The following DLGAP1 variants were observed in gnomAD, a reference collection of about 807,000 sequenced individuals.
DLGAP1 encodes the protein DLG associated protein 1.
DLGAP1 carries 11 observed loss-of-function variants against 90.8 expected under a neutral mutation model. That is an observed-to-expected ratio of 0.12 (90% CI 0.08 to 0.20). DLGAP1 has a LOEUF of 0.20. Ranked by LOEUF, DLGAP1 falls within the 10% of genes least tolerant of loss-of-function variation. DLGAP1 has a pLI of 1.00. For synonymous variants in DLGAP1, 558 were observed against 540.7 expected (o/e 1.03, Z -0.44); for missense variants, 1,050 against 1,333.8 (o/e 0.79, Z 3.31).
chr18:4,336,863 T>C (rs766739898), intron 1 of DLGAP1, among the ~76,000 whole-genome samples: 1 of 150,942 alleles, frequency 6.6e-6, no homozygotes, highest in African/African-American at 2.4e-5. Context: ...CATTACGGTA[T>C]CTAGAGGCAG....
chr18:3,643,455 A>G (rs1315261674), intron 7 of DLGAP1, among the ~76,000 whole-genome samples: 1 of 152,078 alleles, frequency 6.6e-6, no homozygotes, highest in Non-Finnish European at 1.5e-5. Context: ...CGAGGTCAGG[A>G]GATCGAGACC....
chr18:4,298,631 G>C (rs1325890157), intron 1 of DLGAP1, among the ~76,000 whole-genome samples: 3 of 152,114 alleles, frequency 2.0e-5, no homozygotes, highest in Non-Finnish European at 2.9e-5. Context: ...TGTGGGGTGG[G>C]GGGAAAGGGG....
intron 1 of DLGAP1, among the ~76,000 whole-genome samples, chr18:4,374,980 CT>C (rs2081986970): frequency 6.6e-6 from 1 of 151,084 alleles, no homozygotes; most frequent in African/African-American, 2.4e-5. Context: ...TAAAATATCA[CT>C]TCTCTTCTAG....
At chr18:3,987,305 T>C (rs975416154) in intron 3 of DLGAP1, among the ~76,000 whole-genome samples, 5 of 152,158 alleles carry the variant, frequency 3.3e-5, no homozygotes, top group Non-Finnish European at 7.3e-5. Context: ...GAGGTCCCCA[T>C]TTCCTCGATT....
chr18:4,144,592 T>C (rs2076553529), intron 2 of DLGAP1, among the ~76,000 whole-genome samples: 1 of 152,206 alleles, frequency 6.6e-6, no homozygotes, highest in Non-Finnish European at 1.5e-5. Context: ...TTTTTAGTTC[T>C]TATAAAGGTG....
At chr18:3,741,162 T>TCAC (rs1243995369) in intron 6 of DLGAP1, among the ~76,000 whole-genome samples, 1 of 33,128 alleles carries the variant, frequency 3.0e-5, no homozygotes, top group African/African-American at 1.4e-4. Context: ...ACCACCACCA[T>TCAC]CACCACCACA....
At chr18:3,654,253 G>C (rs950591170) in intron 7 of DLGAP1, among the ~76,000 whole-genome samples, 1 of 152,156 alleles carries the variant, frequency 6.6e-6, no homozygotes, top group African/African-American at 2.4e-5. Flanking sequence ...AAGGTGGCCA[G>C]AGGCTGCCGG....
Position 3,653,937 on chromosome 18 carries a change from C to T in DLGAP1, c.1592-71689G>A, listed in dbSNP as rs908643624. ...GCCGACCATCTGAGGTTTGATTTCT[C>T]ATCAAGAGATAGTGTCCGACACACG... On this transcript the variant is annotated intron_variant, in intron 7 of 12. Transcript: ENST00000315677. The surrounding 1 kb of genome is among the most constrained non-coding windows in gnomAD (Gnocchi z 4.6). The T allele has an allele frequency of 1.3e-5, 2 of 149,934 alleles. No individual in the cohort carries two copies. Among genetic ancestry groups the T allele is most frequent in the African/African-American group, 2.5e-5 (1 of 39,438 alleles). The allele number at this position is 149,934 out of a possible 1,614,324, so 9.3% of individuals were successfully genotyped here.
intron 3 of DLGAP1, among the ~76,000 whole-genome samples, chr18:3,911,884 C>G (rs1266969211): frequency 6.6e-6 from 1 of 152,194 alleles, no homozygotes; most frequent in African/African-American, 2.4e-5. Flanking sequence ...AATTAGCATA[C>G]AGCAGTGAAA....
intron 7 of DLGAP1, among the ~76,000 whole-genome samples, chr18:3,675,190 C>G (rs1645640248): frequency 6.6e-6 from 1 of 152,180 alleles, no homozygotes; most frequent in Non-Finnish European, 1.5e-5. Context: ...CCTGCCTCAG[C>G]CTCCCAAGTA....
chr18:4,315,986 G>T (rs1484916815), intron 1 of DLGAP1, among the ~76,000 whole-genome samples: 3 of 152,284 alleles, frequency 2.0e-5, no homozygotes, highest in African/African-American at 4.8e-5. Context: ...TGTACCACAG[G>T]TTCTTGCTAT....
intron 4 of DLGAP1, among the ~76,000 whole-genome samples, chr18:3,852,906 A>G (rs2069423677): frequency 6.6e-6 from 1 of 151,952 alleles, no homozygotes. Context: ...AAGTTTATTA[A>G]GAATTTTTAT....
intron 1 of DLGAP1, among the ~76,000 whole-genome samples, chr18:4,308,104 T>C (rs887750568): frequency 2.0e-5 from 3 of 152,200 alleles, no homozygotes; most frequent in Non-Finnish European, 4.4e-5. Flanking sequence ...AAGGCACTAC[T>C]GTTGTTCACT....
chr18:4,114,056 C>CTTT (rs58180172), intron 2 of DLGAP1, among the ~76,000 whole-genome samples: 11 of 106,902 alleles, frequency 1.0e-4, no homozygotes, highest in African/African-American at 2.0e-4. Flanking sequence ...ATGCCTCTGG[C>CTTT]TTTTTTTTTT....
chr18:4,342,962 A>G lies in DLGAP1; in HGVS notation c.-267+112044T>C, dbSNP rs1195881739. ...TTATAAAGCTCACGGATTATTTCAG[A>G]TTCAGGATTGTACTGGGATAAATAT... On this transcript the variant is annotated intron_variant, in intron 1 of 12. Transcript: ENST00000315677. This position sits in a 1 kb window ranked among gnomAD's most constrained non-coding sequence, Gnocchi z 5.8. 6.6e-6 allele frequency among the ~76,000 whole-genome samples: 1 copy of G among 152,204 alleles called. No homozygotes were observed. The highest frequency in any genetic ancestry group is 2.4e-5 in the African/African-American group (1 of 41,458).
chr18:4,260,287 A>T (rs1054773744), intron 1 of DLGAP1, among the ~76,000 whole-genome samples: 1 of 152,218 alleles, frequency 6.6e-6, no homozygotes, highest in Non-Finnish European at 1.5e-5. Context: ...AAAGCTTTTT[A>T]ATAGGATGAA....
At chr18:4,093,318 T>C (rs908415253) in intron 2 of DLGAP1, among the ~76,000 whole-genome samples, 1 of 152,202 alleles carries the variant, frequency 6.6e-6, no homozygotes, top group African/African-American at 2.4e-5. Context: ...TTGAGCTTTT[T>C]CCCAGTAACG....
Position 3,982,167 on chromosome 18 carries a change from G to GA in DLGAP1, c.-73+22948dup, listed in dbSNP as rs752706979. On this transcript the variant is annotated intron_variant, in intron 3 of 12. Transcript: ENST00000315677. ...TTCTCCAGTTTGTAGTCTTTTGAAAGAAAAAAATCAGAAAATCCTAAGGCA... is the reference window on the plus strand; with the variant it reads ...TTCTCCAGTTTGTAGTCTTTTGAAAGAAAAAAAATCAGAAAATCCTAAGGCA... Among the ~76,000 whole-genome samples, 39 of 152,186 alleles carry GA rather than the reference G, an allele frequency of 2.6e-4. 1 individual carries two copies. Among genetic ancestry groups the GA allele is most frequent in the Middle Eastern group, 3.4e-3 (1 of 294 alleles).
At chr18:3,863,872 A>C (rs537300701) in intron 4 of DLGAP1, among the ~76,000 whole-genome samples, 1 of 152,220 alleles carries the variant, frequency 6.6e-6, no homozygotes, top group African/African-American at 2.4e-5. Context: ...AATGCTGCCC[A>C]GAGGTTAAAT....
Sources: gnomAD v4.1 joint callset for allele counts (sites outside exome capture counted in the v4.1 genomes callset) on GRCh38, gnomAD v4.1.1 for gene constraint, Gnocchi (gnomAD v3.1) non-coding constraint, MANE v1.5 for transcripts, NCBI Gene and HGNC (gene_info 2026-07-23, HGNC 2026-07-21) for gene names.